CAMKMT: variants seen among roughly 807,000 people sequenced by gnomAD.
The protein encoded by CAMKMT is calmodulin-lysine N-methyltransferase, also known as CaM KMT.
CAMKMT carries 53 observed loss-of-function variants against 48.0 expected under a neutral mutation model. The ratio of observed to expected loss-of-function variants is 1.10; its 90% CI spans 0.89 to 1.39. The LOEUF is 1.39. CAMKMT is among the 40% of genes most tolerant of loss of function. The pLI is 0.00. For synonymous variants in CAMKMT, 165 were observed against 152.3 expected (o/e 1.08, Z -0.61); for missense variants, 428 against 402.7 (o/e 1.06, Z -0.54).
intron 3 of CAMKMT, chr2:44,456,512 AG>A: frequency 6.5e-7 from 1 of 1,534,098 alleles, no homozygotes; most frequent in South Asian, 1.3e-5. Flanking sequence ...TGGAATGAAA[AG>A]CTTTAACTAC....
chr2:44,508,541 T>C (rs898821089), intron 3 of CAMKMT, among the ~76,000 whole-genome samples: 2 of 151,330 alleles, frequency 1.3e-5, no homozygotes, highest in African/African-American at 2.4e-5. Flanking sequence ...CAAGAGACCA[T>C]TGTAGACATC....
At chr2:44,427,653 C>G (rs1221243754) in intron 3 of CAMKMT, among the ~76,000 whole-genome samples, 1 of 152,166 alleles carries the variant, frequency 6.6e-6, no homozygotes, top group South Asian at 2.1e-4. Flanking sequence ...CAAGTATCCC[C>G]TGTATCTTAA....
chr2:44,469,421 C>T (rs1668301582), intron 3 of CAMKMT, among the ~76,000 whole-genome samples: 1 of 151,690 alleles, frequency 6.6e-6, no homozygotes, highest in African/African-American at 2.4e-5. Context: ...GGTGTGTGCC[C>T]TTTCAATGCG....
chr2:44,546,212 C>T (rs1022042455), intron 3 of CAMKMT, among the ~76,000 whole-genome samples: 1 of 149,524 alleles, frequency 6.7e-6, no homozygotes, highest in Non-Finnish European at 1.5e-5. Context: ...CATACATGCA[C>T]ATACCCCTAT....
intron 3 of CAMKMT, among the ~76,000 whole-genome samples, chr2:44,414,053 A>G (rs907188503): frequency 6.6e-6 from 1 of 152,138 alleles, no homozygotes; most frequent in African/African-American, 2.4e-5. Context: ...TTGACTATAC[A>G]TTGGCAGGAT....
chr2:44,676,236 C>T (rs1049594417), intron 3 of CAMKMT, among the ~76,000 whole-genome samples: 18 of 152,128 alleles, frequency 1.2e-4, no homozygotes, highest in African/African-American at 4.3e-4. Context: ...CCTCTCTTTG[C>T]TGATCTACTC....
At chr2:44,616,626 T>C (rs774144066) in intron 3 of CAMKMT, among the ~76,000 whole-genome samples, 2 of 152,190 alleles carry the variant, frequency 1.3e-5, no homozygotes, top group Non-Finnish European at 2.9e-5. Flanking sequence ...TATAACTATA[T>C]ATTTGAACAA....
At position 44,517,025 on chromosome 2, in the gene CAMKMT, A is replaced by AGC. The variant is rs1399397306; in HGVS notation, c.376+126721_376+126722dup. 4.6e-5 allele frequency among the ~76,000 whole-genome samples: 7 copies of AGC among 152,226 alleles called. No individual in the cohort carries two copies. In the East Asian group the frequency reaches 1.4e-3, roughly 29 times the overall value. ...CCAAAGTGCTGGGATTACAGGCATG[A>AGC]GCCACCCTGCCCGGCCTTGTGGTTT... is the stretch of plus-strand genomic sequence containing the variant. On this transcript the variant is annotated intron_variant, in intron 3 of 10. Coordinates refer to ENST00000378494, the MANE Select transcript of CAMKMT (RefSeq NM_024766.5).
At chr2:44,439,138 C>G (rs1340841741) in intron 3 of CAMKMT, among the ~76,000 whole-genome samples, 1 of 152,172 alleles carries the variant, frequency 6.6e-6, no homozygotes, top group Admixed American at 6.5e-5. Context: ...CTTGAAGCCA[C>G]CATCTTTTTT....
intron 6 of CAMKMT, among the ~76,000 whole-genome samples, chr2:44,712,227 A>G (rs1677921594): frequency 6.6e-6 from 1 of 152,082 alleles, no homozygotes; most frequent in Non-Finnish European, 1.5e-5. Context: ...ATAGTTTCCT[A>G]CCCTCATTTT....
intron 3 of CAMKMT, among the ~76,000 whole-genome samples, chr2:44,602,135 A>G (rs1671030275): frequency 6.6e-6 from 1 of 151,924 alleles, no homozygotes; most frequent in Non-Finnish European, 1.5e-5. Flanking sequence ...CCTCTCTAGT[A>G]GCTGGGACTA....
At chr2:44,571,142 G>A (rs891802540) in intron 3 of CAMKMT, among the ~76,000 whole-genome samples, 2 of 152,250 alleles carry the variant, frequency 1.3e-5, no homozygotes, top group South Asian at 2.1e-4. Context: ...AACTAGAGCT[G>A]ATATTTTAAA....
intron 7 of CAMKMT, among the ~76,000 whole-genome samples, chr2:44,737,407 A>G (rs1342816886): frequency 6.6e-6 from 1 of 152,160 alleles, no homozygotes; most frequent in Non-Finnish European, 1.5e-5. Flanking sequence ...GTTCTGGGAT[A>G]CAGTTAAATT....
At chr2:44,486,028 G>T (rs1052168280) in intron 3 of CAMKMT, among the ~76,000 whole-genome samples, 1 of 151,966 alleles carries the variant, frequency 6.6e-6, no homozygotes, top group Non-Finnish European at 1.5e-5. Context: ...GCAGTGGTGC[G>T]GTCTCAGCCC....
intron 3 of CAMKMT, among the ~76,000 whole-genome samples, chr2:44,523,336 A>G (rs1671222457): frequency 7.1e-6 from 1 of 140,004 alleles, no homozygotes; most frequent in Non-Finnish European, 1.5e-5. Context: ...TCTGTCGCCC[A>G]GGGTATAGTG....
chr2:44,371,138 C>T (rs1679138401), intron 1 of CAMKMT, among the ~76,000 whole-genome samples: 1 of 152,164 alleles, frequency 6.6e-6, no homozygotes, highest in Admixed American at 6.6e-5. Context: ...GCCCCCGCCA[C>T]CACACCTGGC....
intron 2 of CAMKMT, among the ~76,000 whole-genome samples, chr2:44,383,228 G>A (rs532547228): frequency 1.3e-5 from 2 of 152,056 alleles, no homozygotes; most frequent in African/African-American, 4.8e-5. Flanking sequence ...GCAGTGGCGT[G>A]ATCTCAGCTC....
chr2:44,407,484 C>T (rs1014351328), intron 3 of CAMKMT, among the ~76,000 whole-genome samples: 6 of 152,120 alleles, frequency 3.9e-5, no homozygotes, highest in Admixed American at 3.9e-4. Context: ...TCCCCTTTCA[C>T]AGCAGCAGGT....
intron 9 of CAMKMT, among the ~76,000 whole-genome samples, chr2:44,755,439 C>G (rs891542103): frequency 6.6e-6 from 1 of 152,088 alleles, no homozygotes; most frequent in African/African-American, 2.4e-5. Context: ...AGGGGCGGCT[C>G]AAGATTCTTG....
Sources: gnomAD v4.1 joint callset for allele counts (sites outside exome capture counted in the v4.1 genomes callset) on GRCh38, gnomAD v4.1.1 for gene constraint, MANE v1.5 for transcripts, NCBI Gene and HGNC (gene_info 2026-07-23, HGNC 2026-07-21) for gene names.